Variants in FBXW7 observed in about 807,000 individuals in gnomAD.
The protein encoded by FBXW7 is F-box and WD repeat domain containing 7.
A neutral mutation model predicts 86.3 loss-of-function variants in FBXW7; 11 were observed. That is an observed-to-expected ratio of 0.13 (90% CI 0.08 to 0.21). The LOEUF (loss-of-function observed/expected upper bound fraction) is 0.21. FBXW7 is among the 10% of genes least tolerant of loss of function. FBXW7 has a pLI of 1.00. For missense variants in FBXW7, 488 were observed against 847.4 expected (o/e 0.58, Z 5.27); for synonymous variants, 313 against 297.9 (o/e 1.05, Z -0.52).
intron 2 of FBXW7, among the ~76,000 whole-genome samples, chr4:152,484,023 T>C (rs1745127274): frequency 6.6e-6 from 1 of 152,180 alleles, no homozygotes; most frequent in African/African-American, 2.4e-5. Flanking sequence ...GAATTGCTAT[T>C]AATTTTACAG....
intron 2 of FBXW7, among the ~76,000 whole-genome samples, chr4:152,469,241 A>G (rs577077703): frequency 6.6e-6 from 1 of 152,220 alleles, no homozygotes; most frequent in East Asian, 1.9e-4. Context: ...ATTCTGAAGC[A>G]TATTTAATAA....
rs185237626 is a variant in FBXW7, at chr4:152,533,475, A to C, written c.-120+1466T>G. On this transcript the variant is annotated intron_variant, in intron 2 of 13. Coordinates refer to ENST00000281708, the MANE Select transcript of FBXW7 (RefSeq NM_001349798.2). ...AGTATTTTCATGTCAGTACACATTTAAAGGACAGAATTTAAAGTTCCTTAC... is the reference window on the plus strand; with the variant it reads ...AGTATTTTCATGTCAGTACACATTTCAAGGACAGAATTTAAAGTTCCTTAC... Among the ~76,000 whole-genome samples the C allele has an allele frequency of 4.6e-5, 7 of 152,344 alleles. No homozygotes were observed. In the East Asian group the frequency reaches 1.3e-3, roughly 29 times the overall value.
Position 152,324,233 on chromosome 4 carries a change from T to C in FBXW7, c.1806A>G (p.Thr602=). 1 of 1,612,860 alleles carries C rather than the reference T, an allele frequency of 6.2e-7. No homozygotes were observed. Among genetic ancestry groups the C allele is most frequent in the Non-Finnish European group, 8.5e-7 (1 of 1,179,450 alleles). ...NILVSGNADS[T]VKIWDIKTGQ... is the part of the protein sequence containing the mutation. The stretch of plus-strand genomic sequence containing the variant: ...CTGTTTTGATATCCCAGATTTTAAC[T>C]GTAGAATCTGCATTCCCAGAGACAA... The change falls in exon 13 of 14, where the codon ACA becomes ACG. Residue 602 remains threonine (T), a synonymous_variant. Transcript: ENST00000281708.
chr4:152,487,160 A>T (rs1326634926), intron 2 of FBXW7, among the ~76,000 whole-genome samples: 1 of 152,174 alleles, frequency 6.6e-6, no homozygotes, highest in Non-Finnish European at 1.5e-5. Flanking sequence ...TGCAAGCATC[A>T]ATGTAACCAA....
At chr4:152,452,730 T>C (rs907567220) in intron 2 of FBXW7, among the ~76,000 whole-genome samples, 2 of 152,230 alleles carry the variant, frequency 1.3e-5, no homozygotes, top group African/African-American at 4.8e-5. Context: ...TCATCTTGAC[T>C]GTACAAACCA....
At chr4:152,396,066 C>T (rs1245153082) in intron 4 of FBXW7, among the ~76,000 whole-genome samples, 5 of 151,948 alleles carry the variant, frequency 3.3e-5, no homozygotes, top group Admixed American at 1.3e-4. Context: ...TATCAATTAA[C>T]TTTCTGGACC....
intron 2 of FBXW7, among the ~76,000 whole-genome samples, chr4:152,487,263 C>T (rs1745426590): frequency 6.6e-6 from 1 of 152,030 alleles, no homozygotes. Context: ...CATTACCCCA[C>T]AGATTAATGA....
At chr4:152,335,472 A>C (rs1350125611) in intron 7 of FBXW7, among the ~76,000 whole-genome samples, 1 of 152,200 alleles carries the variant, frequency 6.6e-6, no homozygotes, top group African/African-American at 2.4e-5. Flanking sequence ...TTGTCTGTCC[A>C]ACCGCTATGG....
At chr4:152,506,806 A>G (rs547204230) in intron 2 of FBXW7, among the ~76,000 whole-genome samples, 155 of 152,350 alleles carry the variant, frequency 1.0e-3, no homozygotes, top group African/African-American at 3.4e-3. Flanking sequence ...AGAAGTCTGC[A>G]TTTCTAACCA....
intron 2 of FBXW7, among the ~76,000 whole-genome samples, chr4:152,476,036 C>T (rs1744364407): frequency 6.6e-6 from 1 of 152,050 alleles, no homozygotes; most frequent in Non-Finnish European, 1.5e-5. Context: ...CAAAACAATT[C>T]AGCAAAAGAA....
intron 4 of FBXW7, among the ~76,000 whole-genome samples, chr4:152,382,980 C>G (rs1218707601): frequency 6.6e-6 from 1 of 152,078 alleles, no homozygotes; most frequent in Non-Finnish European, 1.5e-5. Context: ...TTTCCATACA[C>G]ACCATTCTTT....
chr4:152,492,543 C>G (rs1336460849), intron 2 of FBXW7, among the ~76,000 whole-genome samples: 1 of 152,116 alleles, frequency 6.6e-6, no homozygotes, highest in African/African-American at 2.4e-5. Flanking sequence ...TTGTAGTTGA[C>G]AGTCTTTTTA....
At chr4:152,466,296 C>T (rs551391382) in intron 2 of FBXW7, among the ~76,000 whole-genome samples, 2 of 152,352 alleles carry the variant, frequency 1.3e-5, no homozygotes, top group Non-Finnish European at 2.9e-5. Flanking sequence ...TGGCTCAAGC[C>T]TGTAATCCCA....
chr4:152,449,186 A>C (rs1741683458), intron 2 of FBXW7, among the ~76,000 whole-genome samples: 2 of 152,240 alleles, frequency 1.3e-5, no homozygotes, highest in South Asian at 4.1e-4. Flanking sequence ...CAATTCAAGA[A>C]GCCTGCCAAA....
intron 2 of FBXW7, among the ~76,000 whole-genome samples, chr4:152,425,882 T>C (rs1739337646): frequency 6.6e-6 from 1 of 152,188 alleles, no homozygotes; most frequent in African/African-American, 2.4e-5. Context: ...ACACCTATCA[T>C]TGTTCAGGGT....
chr4:152,531,622 T>TC (rs1750031312), intron 2 of FBXW7, among the ~76,000 whole-genome samples: 1 of 150,052 alleles, frequency 6.7e-6, no homozygotes, highest in Non-Finnish European at 1.5e-5. Flanking sequence ...CACAGGGATA[T>TC]CCCCTCCATT....
intron 2 of FBXW7, among the ~76,000 whole-genome samples, chr4:152,480,083 T>C (rs1308917796): frequency 1.3e-5 from 2 of 152,068 alleles, no homozygotes; most frequent in Admixed American, 1.3e-4. Flanking sequence ...TTTCATTTTA[T>C]TGGACTTCAA....
At chr4:152,462,946 T>C (rs1183130619) in intron 2 of FBXW7, among the ~76,000 whole-genome samples, 2 of 148,248 alleles carry the variant, frequency 1.3e-5, no homozygotes, top group East Asian at 2.0e-4. Context: ...TAATCTCACA[T>C]AGTACACTGA....
chr4:152,443,186 C>T (rs142615769), intron 2 of FBXW7, among the ~76,000 whole-genome samples: 92 of 152,184 alleles, frequency 6.0e-4, no homozygotes, highest in African/African-American at 1.9e-3. Flanking sequence ...CACTTGAACC[C>T]GGGAGGCGGA....
Sources: gnomAD v4.1 joint callset for allele counts (sites outside exome capture counted in the v4.1 genomes callset) on GRCh38, gnomAD v4.1.1 for gene constraint, MANE v1.5 for transcripts, NCBI Gene and HGNC (gene_info 2026-07-23, HGNC 2026-07-21) for gene names.